Variants in GRM5 observed in about 807,000 individuals in gnomAD.
The protein encoded by GRM5 is metabotropic glutamate receptor 5.
Under a neutral mutation model 83.1 loss-of-function variants are expected in GRM5, and 19 were observed. The ratio of observed to expected loss-of-function variants is 0.23; its 90% CI spans 0.16 to 0.34. The LOEUF (loss-of-function observed/expected upper bound fraction) is 0.34. Ranked by LOEUF, GRM5 falls within the 10% of genes least tolerant of loss-of-function variation. The probability of loss-of-function intolerance (pLI) is 1.00; values close to 1 mark genes in which losing one functional copy is unlikely to be tolerated. For missense variants in GRM5, 1,160 were observed against 1,588.3 expected (o/e 0.73, Z 4.58); for synonymous variants, 675 against 633.6 (o/e 1.07, Z -0.98).
At chr11:88,607,788 C>T (rs1425349669) in intron 4 of GRM5, among the ~76,000 whole-genome samples, 3 of 152,224 alleles carry the variant, frequency 2.0e-5, no homozygotes, top group Non-Finnish European at 4.4e-5. Context: ...GCTGTGTCTT[C>T]TGCCTAGAAT....
rs7127807 is a variant in GRM5, at chr11:88,544,921, G to A, written c.2631-19517C>T. On this transcript the variant is annotated intron_variant, in intron 8 of 9. Transcript: ENST00000305447. ...TATTAAGGTTTGCACTATAGAATCC[G>A]GTAGCCAACTAATGAGAATGTTCTA... is the stretch of plus-strand genomic sequence containing the variant. 2.3e-3 allele frequency among the ~76,000 whole-genome samples: 343 copies of A among 152,216 alleles called. 4 individuals carry two copies. Among genetic ancestry groups the A allele is most frequent in the African/African-American group, 7.8e-3 (326 of 41,542 alleles).
chr11:88,570,571 A>ATATATATATATATATATATT (rs1405339448), intron 7 of GRM5, among the ~76,000 whole-genome samples: 13 of 46,382 alleles, frequency 2.8e-4, no homozygotes, highest in Admixed American at 5.9e-4. Context: ...ATATATATAT[A>ATATATATATATATATATATT]TTTTTTTTTT....
chr11:88,997,742 T>C (rs1335807066), intron 2 of GRM5, among the ~76,000 whole-genome samples: 1 of 152,064 alleles, frequency 6.6e-6, no homozygotes. Flanking sequence ...ACAATCACAA[T>C]TTACTCAAAT....
At chr11:88,511,444 T>A (rs1168066047) in intron 9 of GRM5, among the ~76,000 whole-genome samples, 2 of 152,236 alleles carry the variant, frequency 1.3e-5, no homozygotes, top group Non-Finnish European at 2.9e-5. Context: ...CCCATTTCTT[T>A]ATCTGTTCCT....
chr11:88,917,406 A>G (rs1487914454), intron 2 of GRM5, among the ~76,000 whole-genome samples: 1 of 152,182 alleles, frequency 6.6e-6, no homozygotes, highest in Non-Finnish European at 1.5e-5. Flanking sequence ...AATGATTAGA[A>G]TAAACTAGTT....
At chr11:88,787,860 T>C (rs1289711594) in intron 3 of GRM5, among the ~76,000 whole-genome samples, 1 of 152,028 alleles carries the variant, frequency 6.6e-6, no homozygotes. Flanking sequence ...AGAAATTTGG[T>C]TTCTTTCTGG....
intron 7 of GRM5, among the ~76,000 whole-genome samples, chr11:88,581,835 C>G (rs114515401): frequency 0.017 from 2,620 of 152,254 alleles, 76 homozygotes; most frequent in African/African-American, 0.059. Context: ...TATTTTGAGA[C>G]ACACATACAT....
intron 3 of GRM5, among the ~76,000 whole-genome samples, chr11:88,657,344 G>T (rs933911549): frequency 2.0e-5 from 3 of 152,100 alleles, no homozygotes; most frequent in African/African-American, 7.2e-5. Context: ...AGTCAGGTTT[G>T]TAGCCTTTCT....
At chr11:89,037,002 G>A (rs78624502) in intron 2 of GRM5, among the ~76,000 whole-genome samples, 6,025 of 151,802 alleles carry the variant, frequency 0.04, 403 homozygotes, top group African/African-American at 0.13. Flanking sequence ...ATAATTTTTG[G>A]GACACTCAGA....
At chr11:88,585,884 T>C (rs576497208) in intron 7 of GRM5, among the ~76,000 whole-genome samples, 11 of 152,306 alleles carry the variant, frequency 7.2e-5, no homozygotes, top group African/African-American at 2.6e-4. Flanking sequence ...ATAAGTTGAA[T>C]TGAGGACATG....
At chr11:88,847,466 A>T (rs1433926306) in intron 3 of GRM5, among the ~76,000 whole-genome samples, 1 of 152,228 alleles carries the variant, frequency 6.6e-6, no homozygotes, top group Non-Finnish European at 1.5e-5. Context: ...TGGTTTTATT[A>T]ACACCCACAG....
At chr11:89,049,084 T>C (rs1828270778) in intron 1 of GRM5, among the ~76,000 whole-genome samples, 1 of 152,166 alleles carries the variant, frequency 6.6e-6, no homozygotes, top group Non-Finnish European at 1.5e-5. Flanking sequence ...GGCAACCTAC[T>C]TGGTCCTCCA....
At chr11:88,633,481 T>C (rs188486856) in intron 4 of GRM5, among the ~76,000 whole-genome samples, 21 of 152,294 alleles carry the variant, frequency 1.4e-4, no homozygotes, top group Non-Finnish European at 2.6e-4. Flanking sequence ...TTTATAGTTT[T>C]AGGTTTCACA....
At chr11:88,805,831 C>G (rs1243575147) in intron 3 of GRM5, among the ~76,000 whole-genome samples, 3 of 152,110 alleles carry the variant, frequency 2.0e-5, no homozygotes, top group African/African-American at 7.2e-5. Flanking sequence ...ACGTTTTTCC[C>G]CTAATTGACA....
Position 88,952,095 on chromosome 11 carries a change from G to A in GRM5, c.661+95117C>T, listed in dbSNP as rs1049557501. 5.4e-5 allele frequency among the ~76,000 whole-genome samples: 8 copies of A among 147,040 alleles called. No individual in the cohort carries two copies. In the East Asian group the frequency reaches 1.2e-3, roughly 23 times the overall value. ...AGGTGTCAGCTCTCAGCAAAGTCTC[G>A]CTCTCTTCCACCATGTGCACATACA... On this transcript the variant is annotated intron_variant, in intron 2 of 9. Transcript: ENST00000305447.
chr11:88,796,172 G>C (rs1360064573), intron 3 of GRM5, among the ~76,000 whole-genome samples: 1 of 152,162 alleles, frequency 6.6e-6, no homozygotes, highest in Non-Finnish European at 1.5e-5. Flanking sequence ...TGGACACAAT[G>C]TGTTTCAAGG....
intron 8 of GRM5, among the ~76,000 whole-genome samples, chr11:88,538,481 T>C (rs952643451): frequency 4.6e-5 from 7 of 152,228 alleles, no homozygotes; most frequent in African/African-American, 1.7e-4. Flanking sequence ...AGGGTCTCCA[T>C]AGGAAACATT....
At chr11:88,768,067 A>G (rs1942657578) in intron 3 of GRM5, among the ~76,000 whole-genome samples, 1 of 151,950 alleles carries the variant, frequency 6.6e-6, no homozygotes, top group African/African-American at 2.4e-5. Flanking sequence ...TAATTTCCAT[A>G]TGATCCAGAA....
chr11:89,004,971 T>C (rs544612734), intron 2 of GRM5, among the ~76,000 whole-genome samples: 1 of 152,320 alleles, frequency 6.6e-6, no homozygotes, highest in Non-Finnish European at 1.5e-5. Flanking sequence ...ATGGGTTACA[T>C]GCAATTGAAA....
Sources: allele counts gnomAD v4.1 joint callset (sites outside exome capture counted in the v4.1 genomes callset), GRCh38; gene constraint gnomAD v4.1.1; transcripts MANE v1.5; gene names NCBI Gene and HGNC (gene_info 2026-07-23, HGNC 2026-07-21).